SLC16A12: variants seen among roughly 807,000 people sequenced by gnomAD.
SLC16A12 encodes solute carrier family 16 member 12.
In SLC16A12, 17 loss-of-function variants were observed where a neutral mutation model predicts 42.4. The ratio of observed to expected loss-of-function variants is 0.40; its 90% CI spans 0.27 to 0.60. SLC16A12 has a LOEUF of 0.60. SLC16A12 is among the 20% of genes least tolerant of loss of function. The pLI is 0.42. For missense variants in SLC16A12, 544 were observed against 623.0 expected, an observed-to-expected ratio of 0.87 and a Z score of 1.35; for synonymous variants, 224 against 229.4, an observed-to-expected ratio of 0.98 and a Z score of 0.21.
At chr10:89,460,198 T>C (rs1240643857) in intron 3 of SLC16A12, among the ~76,000 whole-genome samples, 1 of 152,154 alleles carries the variant, frequency 6.6e-6, no homozygotes, top group Non-Finnish European at 1.5e-5. Flanking sequence ...TCTTTCATCA[T>C]GGGAATGATG....
At chr10:89,490,497 C>T (rs1036707665) in intron 2 of SLC16A12, among the ~76,000 whole-genome samples, 1 of 152,102 alleles carries the variant, frequency 6.6e-6, no homozygotes, top group Non-Finnish European at 1.5e-5. Context: ...CAATACTTTG[C>T]TTTAATTACT....
At chr10:89,512,400 C>T (rs1384347236) in intron 2 of SLC16A12, among the ~76,000 whole-genome samples, 1 of 152,174 alleles carries the variant, frequency 6.6e-6, no homozygotes, top group African/African-American at 2.4e-5. Context: ...TCCTGGGCAG[C>T]CTCAGGTTGG....
At chr10:89,482,183 G>T (rs1018676999) in intron 2 of SLC16A12, among the ~76,000 whole-genome samples, 1 of 145,778 alleles carries the variant, frequency 6.9e-6, no homozygotes, top group African/African-American at 2.6e-5. Context: ...AGAATAGAGT[G>T]TCAAATAGTA....
upstream of SLC16A12, among the ~76,000 whole-genome samples, chr10:89,539,885 C>CTTTCTTTCTTTCTTTA (rs1554834015): frequency 4.6e-3 from 671 of 144,458 alleles, 5 homozygotes; most frequent in Non-Finnish European, 7.3e-3. Flanking sequence ...TTCTTTCTTT[C>CTTTCTTTCTTTCTTTA]TTTCTTTCTT....
chr10:89,525,220 C>CAAAAAAAAAAAAA (rs869295721), intron 2 of SLC16A12, among the ~76,000 whole-genome samples: 4 of 64,636 alleles, frequency 6.2e-5, no homozygotes, highest in East Asian at 3.4e-4. Flanking sequence ...GACACCATAT[C>CAAAAAAAAAAAAA]AAAAAAAAAA....
intron 7 of SLC16A12, among the ~76,000 whole-genome samples, chr10:89,435,172 C>G (rs951302686): frequency 6.6e-6 from 1 of 152,068 alleles, no homozygotes; most frequent in African/African-American, 2.4e-5. Flanking sequence ...ATATATAAAC[C>G]AGGCCATCCA....
chr10:89,434,804 C>A lies in SLC16A12; in HGVS notation c.1288+1256G>T, dbSNP rs143727456. On this transcript the variant is annotated intron_variant, in intron 7 of 7. Transcript: ENST00000371790. Reference sequence around the variant, plus strand: ...GAACAGTCATTCTCAATATTTACCTCGCATGAGCATCACAACAAAGCTGGT... The same window carrying A: ...GAACAGTCATTCTCAATATTTACCTAGCATGAGCATCACAACAAAGCTGGT... 1.8e-4 allele frequency among the ~76,000 whole-genome samples: 28 copies of A among 152,296 alleles called. 1 individual carries two copies. In the East Asian group the frequency reaches 5.4e-3, roughly 29 times the overall value.
intron 2 of SLC16A12, among the ~76,000 whole-genome samples, chr10:89,548,644 C>T (rs1008572323): frequency 6.6e-6 from 1 of 151,996 alleles, no homozygotes; most frequent in Non-Finnish European, 1.5e-5. Context: ...GGTGAAACCC[C>T]ATCTCTACTA....
chr10:89,444,072 G>C (rs949271150), intron 3 of SLC16A12, among the ~76,000 whole-genome samples: 1 of 152,186 alleles, frequency 6.6e-6, no homozygotes, highest in Non-Finnish European at 1.5e-5. Flanking sequence ...CTAAAGCCAA[G>C]TAGATGTGAA....
At chr10:89,445,006 A>G (rs1469337012) in intron 3 of SLC16A12, among the ~76,000 whole-genome samples, 1 of 152,256 alleles carries the variant, frequency 6.6e-6, no homozygotes, top group Non-Finnish European at 1.5e-5. Context: ...CTAGCGCAGC[A>G]GTCCGAGATC....
At chr10:89,456,214 A>AT (rs1404771238) in intron 3 of SLC16A12, 3 of 152,260 alleles carry the variant, frequency 2.0e-5, no homozygotes, top group African/African-American at 7.2e-5. Flanking sequence ...GATTTAATCC[A>AT]TAAAAAATGC....
intron 2 of SLC16A12, among the ~76,000 whole-genome samples, chr10:89,499,494 C>T (rs902460807): frequency 2.0e-5 from 3 of 152,108 alleles, no homozygotes; most frequent in Non-Finnish European, 2.9e-5. Flanking sequence ...GTGGAGGTTA[C>T]GGTGAGCCCA....
intron 2 of SLC16A12, among the ~76,000 whole-genome samples, chr10:89,504,917 T>C (rs1478240708): frequency 6.6e-6 from 1 of 152,018 alleles, no homozygotes; most frequent in African/African-American, 2.4e-5. Flanking sequence ...GGACCCAGGG[T>C]ACAGAGTGTG....
chr10:89,500,584 C>T lies in SLC16A12; in HGVS notation c.-47+33917G>A, dbSNP rs117376997. On this transcript the variant is annotated intron_variant, in intron 2 of 7. Transcript: ENST00000371790. ...CAATAGATGAAAAAAAAGCATTCGA[C>T]AAAATCCGGCATCCTTTTATGATTA... Among the ~76,000 whole-genome samples, 55 of 152,200 alleles carry T rather than the reference C, an allele frequency of 3.6e-4. No homozygotes were observed. In the East Asian group the frequency reaches 0.01, roughly 28 times the overall value.
intron 2 of SLC16A12, among the ~76,000 whole-genome samples, chr10:89,520,595 G>A (rs567031611): frequency 7.9e-5 from 12 of 151,960 alleles, no homozygotes; most frequent in South Asian, 2.1e-4. Context: ...AAAAGCACAC[G>A]TACACTTGTG....
At chr10:89,436,683 G>T (rs952962674) in intron 6 of SLC16A12, among the ~76,000 whole-genome samples, 1 of 151,708 alleles carries the variant, frequency 6.6e-6, no homozygotes, top group African/African-American at 2.4e-5. Context: ...TGTAAAATGG[G>T]GTCTCCAATC....
Position 89,431,515 on chromosome 10 carries a change from T to C in SLC16A12, c.*1549A>G, listed in dbSNP as rs1841694738. The C allele has an allele frequency of 6.6e-6, 1 of 152,238 alleles. No homozygotes were observed. Among genetic ancestry groups the C allele is most frequent in the South Asian group, 2.1e-4 (1 of 4,834 alleles). The allele number at this position is 152,238 out of a possible 1,614,324, so 9.4% of individuals were successfully genotyped here. On this transcript the variant is annotated 3_prime_UTR_variant, in exon 8 of 8. Transcript: ENST00000371790. ...TAATCAAGGTATAGGCAAGCTCTCT[T>C]GCGGAGCATACACATTAACTCAGGA...
At chr10:89,510,151 C>T (rs1564594454) in intron 2 of SLC16A12, among the ~76,000 whole-genome samples, 1 of 152,124 alleles carries the variant, frequency 6.6e-6, no homozygotes, top group South Asian at 2.1e-4. Context: ...TGAAAATGGC[C>T]ATACAGCCCA....
chr10:89,479,932 A>G (rs1842638544), intron 2 of SLC16A12, among the ~76,000 whole-genome samples: 1 of 152,214 alleles, frequency 6.6e-6, no homozygotes, highest in African/African-American at 2.4e-5. Flanking sequence ...AAGACTTTAC[A>G]TAGAGGCATT....
Sources: allele counts gnomAD v4.1 joint callset (sites outside exome capture counted in the v4.1 genomes callset), GRCh38; gene constraint gnomAD v4.1.1; transcripts MANE v1.5; gene names NCBI Gene and HGNC (gene_info 2026-07-23, HGNC 2026-07-21).